PTPA: variants seen among roughly 807,000 people sequenced by gnomAD.
PTPA encodes the protein serine/threonine-protein phosphatase 2A activator.
A neutral mutation model predicts 43.6 loss-of-function variants in PTPA; 13 were observed. The ratio of observed to expected loss-of-function variants is 0.30; its 90% CI spans 0.19 to 0.47. The LOEUF (loss-of-function observed/expected upper bound fraction) is 0.47. Ranked by LOEUF, PTPA falls within the 20% of genes least tolerant of loss-of-function variation. The pLI is 0.99. For synonymous variants in PTPA, 172 were observed against 158.2 expected, an observed-to-expected ratio of 1.09 and a Z score of -0.66; for missense variants, 329 against 411.9, an observed-to-expected ratio of 0.80 and a Z score of 1.74.
Position 129,134,784 on chromosome 9 carries a change from T to C in PTPA, c.461-11T>C. The C allele has an allele frequency of 6.2e-7, 1 of 1,609,576 alleles. No homozygotes were observed. The highest frequency in any genetic ancestry group is 8.5e-7 in the Non-Finnish European group (1 of 1,177,164). On this transcript the variant is annotated splice_polypyrimidine_tract_variant and intron_variant, in intron 5 of 9. Transcript: ENST00000393370. ...GGACTACTGTCAACGCTGGTTGTTT[T>C]TCTCCTCCAGGGCATGAGGCAGCCT...
At chr9:129,129,652 G>A (rs559033483) in intron 4 of PTPA, among the ~76,000 whole-genome samples, 5 of 151,808 alleles carry the variant, frequency 3.3e-5, no homozygotes, top group African/African-American at 4.8e-5. Context: ...TGTATTTTTC[G>A]TAGAGACGGG....
intron 8 of PTPA, among the ~76,000 whole-genome samples, chr9:129,140,782 G>A (rs897741645): frequency 1.1e-4 from 17 of 149,210 alleles, no homozygotes; most frequent in Admixed American, 5.3e-4. Flanking sequence ...CTGCAGACTG[G>A]GGAAGGGGTG....
chr9:129,126,453 T>C (rs949963859), intron 3 of PTPA, among the ~76,000 whole-genome samples: 6 of 152,228 alleles, frequency 3.9e-5, no homozygotes, highest in South Asian at 2.1e-4. Flanking sequence ...GTGCTGGGAT[T>C]ACAGACGTGA....
At chr9:129,111,394 C>A, upstream of PTPA, 1 of 1,233,856 alleles carries the variant, frequency 8.1e-7, no homozygotes, top group South Asian at 4.1e-5. Context: ...CGTTAATAGG[C>A]TTGCTCCCTG....
chr9:129,127,685 G>A (rs1031360986), intron 3 of PTPA, among the ~76,000 whole-genome samples: 1 of 152,116 alleles, frequency 6.6e-6, no homozygotes, highest in Non-Finnish European at 1.5e-5. Context: ...CTCTGACTCC[G>A]ATTCTACTTC....
At chr9:129,147,340 G>T (rs749762684) in intron 9 of PTPA, 47 bp from the exon 10 acceptor site, 2 of 1,584,448 alleles carry the variant, frequency 1.3e-6, no homozygotes, top group South Asian at 2.2e-5. Context: ...CCTGGCAGGG[G>T]TGTGGTGTGG....
chr9:129,142,879 C>G (rs1211382745), intron 9 of PTPA: 1 of 1,509,180 alleles, frequency 6.6e-7, no homozygotes, highest in South Asian at 1.2e-5. Context: ...GCCAAAGGCT[C>G]CTCAAAGCTC....
chr9:129,148,826 C>T lies in PTPA; in HGVS notation c.*1362C>T, dbSNP rs962267414. 1.3e-5 allele frequency: 2 copies of T among 152,802 alleles called. No homozygotes were observed. Among genetic ancestry groups the T allele is most frequent in the Non-Finnish European group, 1.5e-5 (1 of 68,224 alleles). 9.5% of individuals were successfully genotyped at this position (152,802 alleles called of 1,614,324 possible). Reference sequence around the variant, plus strand: ...CAGTGACAGTTTCTCAGAAGAGGCCCAGCGTCCACCTCTCTCCCAGGGCCA... The same window carrying T: ...CAGTGACAGTTTCTCAGAAGAGGCCTAGCGTCCACCTCTCTCCCAGGGCCA... On this transcript the variant is annotated 3_prime_UTR_variant, in exon 10 of 10. Transcript: ENST00000393370.
intron 2 of PTPA, among the ~76,000 whole-genome samples, chr9:129,121,446 A>G (rs1263813355): frequency 6.6e-6 from 1 of 152,132 alleles, no homozygotes; most frequent in African/African-American, 2.4e-5. Context: ...TCTTTTCTGA[A>G]TCTTCACCAG....
chr9:129,111,159 C>A (rs527820874), upstream of PTPA: 22 of 1,211,206 alleles, frequency 1.8e-5, no homozygotes, highest in Non-Finnish European at 2.4e-5. Flanking sequence ...TCAGTACCAC[C>A]CACAAAGATG....
rs772212337 is a variant in PTPA, at chr9:129,142,479, A to G, written c.821A>G (p.Gln274Arg). The G allele has an allele frequency of 1.2e-6, 2 of 1,605,528 alleles. No individual in the cohort carries two copies. The highest frequency in any genetic ancestry group is 8.5e-7 in the Non-Finnish European group (1 of 1,173,430). ...KTGPFAEHSN[Q>R]LWNISAVPSW... is the part of the protein sequence containing the mutation. ...GGCCCATTTGCAGAGCACTCCAACC[A>G]GCTGTGGAACATCAGCGCCGTCCCT... Residue 274 changes from glutamine (Q) to arginine (R), a missense_variant, in exon 9 of 10, where the codon CAG becomes CGG. Coordinates refer to ENST00000393370, the MANE Select transcript of PTPA (RefSeq NM_178000.3).
Position 129,134,850 on chromosome 9 carries a change from C to G in PTPA, c.516C>G (p.Leu172=), listed in dbSNP as rs764856944. 3 of 1,613,996 alleles carry G rather than the reference C, an allele frequency of 1.9e-6. No homozygotes were observed. The highest frequency in any genetic ancestry group is 2.5e-6 in the Non-Finnish European group (3 of 1,180,016). ...FLCCLCKIGV[L]RVDDQIAIVF... ...GCTGTCTCTGCAAGATTGGGGTGCT[C>G]CGGGTGGATGACCAAATAGCTATTG... Residue 172 remains leucine, a synonymous_variant, in exon 6 of 10, where the codon CTC becomes CTG. Transcript: ENST00000393370.
At chr9:129,137,116 A>G (rs7039031) in intron 7 of PTPA, among the ~76,000 whole-genome samples, 90,310 of 152,084 alleles carry the variant, frequency 0.59, 28,775 homozygotes, top group Non-Finnish European at 0.7. Context: ...GGATGGGCGT[A>G]GGTGATCATC....
At chr9:129,117,310 G>A (rs560933326) in intron 1 of PTPA, among the ~76,000 whole-genome samples, 35 of 152,246 alleles carry the variant, frequency 2.3e-4, no homozygotes, top group African/African-American at 8.2e-4. Context: ...GCCTCCCGAA[G>A]TTTTGGGATT....
chr9:129,128,988 A>G lies in PTPA; in HGVS notation c.220A>G (p.Ile74Val), dbSNP rs1375153001. ...LTFEYRVSEA[I>V]EKLVALLNTL... ...CCCCTCTATTTTGCCTCCACAGGCC[A>G]TTGAGAAACTAGTCGCTCTTCTCAA... Residue 74 changes from isoleucine to valine, a missense_variant, in exon 4 of 10, where the codon ATT becomes GTT. Transcript: ENST00000393370. 5.6e-6 allele frequency: 9 copies of G among 1,613,136 alleles called. No individual in the cohort carries two copies. In the East Asian group the frequency reaches 1.3e-4, roughly 24 times the overall value.
intron 8 of PTPA, chr9:129,139,571 C>T (rs550136671): frequency 6.6e-6 from 1 of 152,426 alleles, no homozygotes; most frequent in South Asian, 2.1e-4. Flanking sequence ...CTGGTTGCAG[C>T]ACACGTTGTG....
intron 3 of PTPA, among the ~76,000 whole-genome samples, chr9:129,126,568 A>G (rs566716502): frequency 2.6e-5 from 4 of 152,196 alleles, no homozygotes; most frequent in African/African-American, 9.6e-5. Flanking sequence ...TAAGAGATTT[A>G]TTTTTGTTGT....
At chr9:129,137,504 G>GT in intron 7 of PTPA, 88 bp from the exon 8 acceptor site, 1 of 1,029,064 alleles carries the variant, frequency 9.7e-7, no homozygotes, top group Non-Finnish European at 1.4e-6. Context: ...CAGGACTGAG[G>GT]CCCCTGGGGG....
upstream of PTPA, chr9:129,111,385 G>T: frequency 8.2e-7 from 1 of 1,222,624 alleles, no homozygotes; most frequent in Non-Finnish European, 1.0e-6. Flanking sequence ...CGCGCCGGCC[G>T]TTAATAGGCT....
Sources: allele counts gnomAD v4.1 joint callset (sites outside exome capture counted in the v4.1 genomes callset), GRCh38; gene constraint gnomAD v4.1.1; transcripts MANE v1.5; gene names NCBI Gene and HGNC (gene_info 2026-07-23, HGNC 2026-07-21).